Variants in CSNK1G1 observed in about 807,000 individuals in gnomAD.
The protein encoded by CSNK1G1 is casein kinase I isoform gamma-1.
A neutral mutation model predicts 59.6 loss-of-function variants in CSNK1G1; 22 were observed. The ratio of observed to expected loss-of-function variants is 0.37; its 90% CI spans 0.26 to 0.53. The LOEUF (loss-of-function observed/expected upper bound fraction) is 0.53, where lower values mean the gene tolerates loss of function less well. Ranked by LOEUF, CSNK1G1 falls within the 20% of genes least tolerant of loss-of-function variation. The pLI, the probability that CSNK1G1 is intolerant of heterozygous loss-of-function variation, is 0.89. For missense variants in CSNK1G1, 384 were observed against 519.5 expected (o/e 0.74, Z 2.54); for synonymous variants, 179 against 177.1 (o/e 1.01, Z -0.08).
At chr15:64,278,432 A>AT (rs774402095) in intron 2 of CSNK1G1, among the ~76,000 whole-genome samples, 1,978 of 127,854 alleles carry the variant, frequency 0.015, 43 homozygotes, top group African/African-American at 0.031. Context: ...ATATATATAT[A>AT]TTTTTTTTTT....
At chr15:64,227,940 A>G (rs1186836115) in intron 4 of CSNK1G1, among the ~76,000 whole-genome samples, 3 of 151,554 alleles carry the variant, frequency 2.0e-5, no homozygotes, top group African/African-American at 4.9e-5. Flanking sequence ...CCCCAACCCA[A>G]CTCTTCCAAA....
chr15:64,236,157 A>G lies in CSNK1G1; in HGVS notation c.292+15355T>C, dbSNP rs555060545. Among the ~76,000 whole-genome samples the G allele has an allele frequency of 1.0e-3, 158 of 151,514 alleles. 1 individual carries two copies. Among genetic ancestry groups the G allele is most frequent in the Middle Eastern group, 3.4e-3 (1 of 294 alleles). ...GACTCCATCTCAAAAAAAAAAAAAA[A>G]AAAAGAAAAGAAAAGAAAAGAAAAT... On this transcript the variant is annotated intron_variant, in intron 4 of 11. Transcript: ENST00000303052.
chr15:64,183,828 C>T (rs560663468), intron 10 of CSNK1G1, among the ~76,000 whole-genome samples: 9 of 151,380 alleles, frequency 5.9e-5, no homozygotes, highest in African/African-American at 1.7e-4. Flanking sequence ...CTCTACCTCC[C>T]GAGTTCAAGC....
intron 10 of CSNK1G1, among the ~76,000 whole-genome samples, chr15:64,199,209 C>T (rs2082075107): frequency 7.0e-6 from 1 of 142,516 alleles, no homozygotes; most frequent in African/African-American, 2.7e-5. Context: ...TGTGATTGTG[C>T]CACTGTGCTC....
chr15:64,241,658 G>C (rs1566915744), intron 4 of CSNK1G1, among the ~76,000 whole-genome samples: 2 of 152,058 alleles, frequency 1.3e-5, no homozygotes, highest in Admixed American at 6.6e-5. Flanking sequence ...AGGAACTTTA[G>C]AAACTGTATA....
intron 1 of CSNK1G1, among the ~76,000 whole-genome samples, chr15:64,321,246 T>C (rs995700039): frequency 9.9e-5 from 15 of 151,872 alleles, no homozygotes; most frequent in Non-Finnish European, 1.8e-4. Context: ...AAGCATTTTT[T>C]TTCTTTTTTT....
rs143633423 is a variant in CSNK1G1 at position 64,351,943 on chromosome 15, C to T, written c.-225+4045G>A. ...AAGAAGACAGGGGAAAAAGTGGGAG[C>T]TTCTGAGAGCTTTACCAAAGCATAT... On this transcript the variant is annotated intron_variant, in intron 1 of 11. Coordinates refer to ENST00000303052, the MANE Select transcript of CSNK1G1 (RefSeq NM_022048.5). Among the ~76,000 whole-genome samples, 3 of 152,202 alleles carry T rather than the reference C, an allele frequency of 2.0e-5. No individual in the cohort carries two copies. In the East Asian group the frequency reaches 5.8e-4, roughly 29 times the overall value.
intron 4 of CSNK1G1, among the ~76,000 whole-genome samples, chr15:64,217,582 GGCTGA>G (rs1478286973): frequency 6.6e-6 from 1 of 152,146 alleles, no homozygotes; most frequent in African/African-American, 2.4e-5. Context: ...CACTTTGGGA[GGCTGA>G]GGTGAGTGGA....
intron 1 of CSNK1G1, among the ~76,000 whole-genome samples, chr15:64,306,984 G>C (rs148072427): frequency 2.4e-5 from 3 of 126,288 alleles, no homozygotes; most frequent in Non-Finnish European, 4.9e-5. Flanking sequence ...TGGGTGGGGA[G>C]GGGGGCGGGT....
intron 2 of CSNK1G1, among the ~76,000 whole-genome samples, chr15:64,288,049 A>T (rs1254223747): frequency 1.3e-5 from 2 of 152,240 alleles, no homozygotes; most frequent in Admixed American, 1.3e-4. Context: ...ATCTAAACAC[A>T]GAATTACCTA....
Position 64,290,316 on chromosome 15 carries a change from TATACAC to T in CSNK1G1, c.181+9997_181+10002del, listed in dbSNP as rs1201080874. ...CCTCATGGATGATTTTATATATATA[TATACAC>T]ATACACATACACACACACATTTTAC... On this transcript the variant is annotated intron_variant, in intron 2 of 11. Transcript: ENST00000303052. 4.0e-5 allele frequency among the ~76,000 whole-genome samples: 6 copies of T among 151,442 alleles called. 1 individual carries two copies. The highest frequency in any genetic ancestry group is 2.1e-4 in the South Asian group (1 of 4,786).
In CSNK1G1 at chr15:64,318,106, G is replaced by C. The variant is rs1450525955; in HGVS notation, c.-224-17383C>G. 3.9e-5 allele frequency among the ~76,000 whole-genome samples: 6 copies of C among 151,966 alleles called. No homozygotes were observed. The East Asian group carries it at 1.2e-3, about 29-fold the overall frequency. On this transcript the variant is annotated intron_variant, in intron 1 of 11. Transcript: ENST00000303052. Reference sequence around the variant, plus strand: ...AAGTAAGCCAACTGTGATATTAAGAGCTTTTATCAAAGAGGAGGGAAATAC... The same window carrying C: ...AAGTAAGCCAACTGTGATATTAAGACCTTTTATCAAAGAGGAGGGAAATAC...
intron 7 of CSNK1G1, among the ~76,000 whole-genome samples, chr15:64,206,892 A>G (rs1310729596): frequency 6.6e-6 from 1 of 152,232 alleles, no homozygotes; most frequent in Non-Finnish European, 1.5e-5. Flanking sequence ...CTTAGCCTAC[A>G]TAGGATAAAC....
chr15:64,229,455 T>G (rs192608907), intron 4 of CSNK1G1, among the ~76,000 whole-genome samples: 74 of 152,320 alleles, frequency 4.9e-4, no homozygotes, highest in Non-Finnish European at 8.5e-4. Flanking sequence ...GTCTCTCATG[T>G]AACAAGAGTC....
intron 1 of CSNK1G1, among the ~76,000 whole-genome samples, chr15:64,310,654 TTGCAGTGAGCTA>T (rs1895943779): frequency 6.6e-6 from 1 of 151,870 alleles, no homozygotes; most frequent in Non-Finnish European, 1.5e-5. Flanking sequence ...GAGTTCGAGG[TTGCAGTGAGCTA>T]TGATTGTGCT....
intron 1 of CSNK1G1, among the ~76,000 whole-genome samples, chr15:64,332,716 A>G (rs1897176714): frequency 6.6e-6 from 1 of 150,740 alleles, no homozygotes; most frequent in African/African-American, 2.4e-5. Flanking sequence ...CAAATCACAA[A>G]ACAATTTAAA....
chr15:64,340,493 C>A (rs1329781620), intron 1 of CSNK1G1, among the ~76,000 whole-genome samples: 1 of 152,136 alleles, frequency 6.6e-6, no homozygotes, highest in Admixed American at 6.5e-5. Flanking sequence ...TAACAGAATT[C>A]TAGTATCTTC....
intron 1 of CSNK1G1, among the ~76,000 whole-genome samples, chr15:64,349,358 C>G (rs1305435492): frequency 3.9e-5 from 6 of 152,178 alleles, no homozygotes; most frequent in Non-Finnish European, 8.8e-5. Context: ...AGGGCAATGG[C>G]TACCTCTTCA....
intron 1 of CSNK1G1, among the ~76,000 whole-genome samples, chr15:64,311,432 G>T (rs1229170471): frequency 1.3e-5 from 2 of 152,116 alleles, no homozygotes; most frequent in East Asian, 1.9e-4. Context: ...TAATTTCCAG[G>T]TGTCAAAAAG....
Sources: allele counts gnomAD v4.1 joint callset (sites outside exome capture counted in the v4.1 genomes callset), GRCh38; gene constraint gnomAD v4.1.1; transcripts MANE v1.5; gene names NCBI Gene and HGNC (gene_info 2026-07-23, HGNC 2026-07-21).